The following LINGO2 variants were observed in gnomAD, a reference collection of about 807,000 sequenced individuals.
LINGO2 encodes the protein leucine rich repeat and Ig domain containing 2, also known as leucine-rich repeat and immunoglobulin-like domain-containing nogo receptor-interacting protein 2.
In LINGO2, 14 loss-of-function variants were observed where a neutral mutation model predicts 30.6. The ratio of observed to expected loss-of-function variants is 0.46; its 90% CI spans 0.30 to 0.72. The LOEUF (loss-of-function observed/expected upper bound fraction) is 0.72. LINGO2 is among the 30% of genes least tolerant of loss of function. The probability of loss-of-function intolerance (pLI) is 0.07; values close to 1 mark genes in which losing one functional copy is unlikely to be tolerated. For missense variants in LINGO2, 729 were observed against 751.7 expected, an observed-to-expected ratio of 0.97 and a Z score of 0.35; for synonymous variants, 317 against 288.5, an observed-to-expected ratio of 1.10 and a Z score of -1.00.
the LINGO2 span, among the ~76,000 whole-genome samples, chr9:28,995,955 G>A: frequency 1.3e-5 from 2 of 151,694 alleles, no homozygotes; most frequent in African/African-American, 2.4e-5. Flanking sequence ...CACCAGCATG[G>A]CACATGTATA....
the LINGO2 span, among the ~76,000 whole-genome samples, chr9:28,945,092 C>A: frequency 0.16 from 24,314 of 151,966 alleles, 1,977 homozygotes; most frequent in South Asian, 0.2. Flanking sequence ...TTAAATTACC[C>A]TAGGATTAGG....
the LINGO2 span, among the ~76,000 whole-genome samples, chr9:29,205,642 T>G: frequency 6.6e-6 from 1 of 152,332 alleles, no homozygotes; most frequent in East Asian, 1.9e-4. Flanking sequence ...CCCTAAATAT[T>G]AGGAAGATTT....
chr9:27,945,723 T>C (rs1290929321), downstream of LINGO2, among the ~76,000 whole-genome samples: 2 of 152,146 alleles, frequency 1.3e-5, no homozygotes, highest in Non-Finnish European at 2.9e-5. Flanking sequence ...GGAAAATTCA[T>C]TAACCCTTTT....
At chr9:28,427,228 A>AT (rs1823450634) in intron 2 of LINGO2, among the ~76,000 whole-genome samples, 2 of 152,088 alleles carry the variant, frequency 1.3e-5, no homozygotes, top group Admixed American at 1.3e-4. Context: ...GAGGAGTTGA[A>AT]AAACACATTA....
the LINGO2 span, among the ~76,000 whole-genome samples, chr9:28,962,228 T>C: frequency 6.6e-6 from 1 of 152,238 alleles, no homozygotes; most frequent in East Asian, 1.9e-4. Flanking sequence ...TTTACCTGTA[T>C]TAAATCAGTC....
At chr9:28,281,039 A>G (rs1310810507) in intron 4 of LINGO2, among the ~76,000 whole-genome samples, 1 of 152,128 alleles carries the variant, frequency 6.6e-6, no homozygotes, top group Non-Finnish European at 1.5e-5. Flanking sequence ...TTTCTTTCAA[A>G]TATAAGAACA....
the LINGO2 span, among the ~76,000 whole-genome samples, chr9:28,750,083 C>T: frequency 6.6e-6 from 1 of 151,098 alleles, no homozygotes; most frequent in Admixed American, 6.6e-5. Context: ...TAGCCCAATT[C>T]TCTTTTTACT....
At chr9:28,512,148 G>A (rs541152706) in intron 1 of LINGO2, among the ~76,000 whole-genome samples, 4 of 152,170 alleles carry the variant, frequency 2.6e-5, no homozygotes, top group East Asian at 3.9e-4. Context: ...ATTTGATGAC[G>A]CAATGCTGCT....
the LINGO2 span, chr9:27,942,639 G>A: frequency 6.6e-6 from 1 of 152,000 alleles, no homozygotes; most frequent in African/African-American, 2.4e-5. Context: ...TAGGTTCTTG[G>A]TTATTAACTT....
intron 4 of LINGO2, among the ~76,000 whole-genome samples, chr9:28,044,440 G>T (rs1824325959): frequency 6.6e-6 from 1 of 152,186 alleles, no homozygotes; most frequent in South Asian, 2.1e-4. Flanking sequence ...TCATGGATCA[G>T]CTGTAAGTCT....
At chr9:28,351,445 AC>A (rs1227338671) in intron 3 of LINGO2, among the ~76,000 whole-genome samples, 4 of 151,770 alleles carry the variant, frequency 2.6e-5, no homozygotes, top group Non-Finnish European at 5.9e-5. Flanking sequence ...CCAAGACTAA[AC>A]CAGGAAGAAG....
At chr9:29,168,357 T>C in the LINGO2 span, among the ~76,000 whole-genome samples, 1 of 152,182 alleles carries the variant, frequency 6.6e-6, no homozygotes, top group African/African-American at 2.4e-5. Context: ...TCTCACATTT[T>C]CCTTGCTAAA....
the LINGO2 span, among the ~76,000 whole-genome samples, chr9:29,184,648 C>T: frequency 6.6e-6 from 1 of 151,798 alleles, no homozygotes; most frequent in South Asian, 2.1e-4. Context: ...GCAAGAATCC[C>T]TCTAGTTACC....
the LINGO2 span, among the ~76,000 whole-genome samples, chr9:28,719,915 A>G: frequency 6.6e-6 from 1 of 152,058 alleles, no homozygotes. Flanking sequence ...ATTAATTTTT[A>G]AATTTTTCTA....
At chr9:29,162,534 T>C in the LINGO2 span, among the ~76,000 whole-genome samples, 6 of 152,036 alleles carry the variant, frequency 3.9e-5, no homozygotes, top group South Asian at 2.1e-4. Context: ...TGAATAGTCA[T>C]GAAAGGCACA....
chr9:29,051,370 C>G, the LINGO2 span, among the ~76,000 whole-genome samples: 1 of 152,160 alleles, frequency 6.6e-6, no homozygotes, highest in African/African-American at 2.4e-5. Flanking sequence ...GTTGGAATTA[C>G]ACAGTATGTA....
the LINGO2 span, among the ~76,000 whole-genome samples, chr9:29,092,007 C>T: frequency 1.3e-4 from 20 of 151,872 alleles, no homozygotes; most frequent in Non-Finnish European, 2.1e-4. Flanking sequence ...TAGTCCAACC[C>T]TTGATGACTA....
At chr9:28,497,101 TC>T (rs1819664856) in intron 1 of LINGO2, among the ~76,000 whole-genome samples, 1 of 152,216 alleles carries the variant, frequency 6.6e-6, no homozygotes, top group South Asian at 2.1e-4. Context: ...ATTTTTTCCT[TC>T]ATTTCAACTT....
the LINGO2 span, among the ~76,000 whole-genome samples, chr9:28,744,826 T>C: frequency 6.6e-6 from 1 of 151,552 alleles, no homozygotes; most frequent in African/African-American, 2.4e-5. Flanking sequence ...TGGTGGAGAC[T>C]GGGTTTCATC....
Sources: allele counts gnomAD v4.1 joint callset (sites outside exome capture counted in the v4.1 genomes callset), GRCh38; gene constraint gnomAD v4.1.1; transcripts MANE v1.5; gene names NCBI Gene and HGNC (gene_info 2026-07-23, HGNC 2026-07-21).